The following SYN2 variants were observed in gnomAD, a reference collection of about 807,000 sequenced individuals.
SYN2 encodes synapsin II, also known as synapsin-2.
SYN2 carries 19 observed loss-of-function variants against 50.9 expected under a neutral mutation model. The ratio of observed to expected loss-of-function variants is 0.37; its 90% CI spans 0.26 to 0.55. SYN2 has a LOEUF of 0.55. Ranked by LOEUF, SYN2 falls within the 20% of genes least tolerant of loss-of-function variation. The pLI is 0.81. For synonymous variants in SYN2, 255 were observed against 224.9 expected (o/e 1.13, Z -1.20); for missense variants, 587 against 576.4 (o/e 1.02, Z -0.19).
chr3:12,095,017 A>G (rs1361705503), intron 1 of SYN2, among the ~76,000 whole-genome samples: 5 of 152,214 alleles, frequency 3.3e-5, no homozygotes, highest in Admixed American at 2.0e-4. Context: ...GTTCTTAGAT[A>G]GAAGAGAGAG....
At chr3:12,049,031 A>G (rs1159793425) in intron 1 of SYN2, among the ~76,000 whole-genome samples, 1 of 152,228 alleles carries the variant, frequency 6.6e-6, no homozygotes, top group Non-Finnish European at 1.5e-5. Context: ...GAGATGTGAA[A>G]TTAGAAGCCC....
At chr3:12,159,087 G>C (rs1431074405) in intron 5 of SYN2, 1 of 499,614 alleles carries the variant, frequency 2.0e-6, no homozygotes, top group South Asian at 3.8e-5. Context: ...CCTGACCTCT[G>C]TTTCCCTGCC....
At chr3:12,144,081 G>T (rs1697089558) in intron 3 of SYN2, among the ~76,000 whole-genome samples, 1 of 152,230 alleles carries the variant, frequency 6.6e-6, no homozygotes, top group Non-Finnish European at 1.5e-5. Flanking sequence ...TTAGTGCCTT[G>T]GGAGTAGATG....
At chr3:12,147,331 A>G (rs1474661372) in intron 4 of SYN2, among the ~76,000 whole-genome samples, 7 of 152,082 alleles carry the variant, frequency 4.6e-5, no homozygotes, top group African/African-American at 1.7e-4. Context: ...GGAGTGTAAG[A>G]AAAAGATCAA....
chr3:12,094,634 G>T (rs1695890538), intron 1 of SYN2, among the ~76,000 whole-genome samples: 1 of 152,312 alleles, frequency 6.6e-6, no homozygotes, highest in African/African-American at 2.4e-5. Context: ...TACCTACTCT[G>T]TTGGGTTCTT....
chr3:12,071,425 C>G (rs745673045), intron 1 of SYN2: 1 of 527,254 alleles, frequency 1.9e-6, no homozygotes, highest in Admixed American at 2.0e-5. Context: ...ATAAATTGCC[C>G]CTGGCAAATG....
At chr3:12,157,398 A>T (rs761122262) in intron 5 of SYN2, 1 of 1,614,012 alleles carries the variant, frequency 6.2e-7, no homozygotes, top group South Asian at 1.1e-5. Context: ...TATCTGTTTG[A>T]TTTCATACCG....
intron 1 of SYN2, chr3:12,071,350 G>A (rs566449990): frequency 4.6e-5 from 26 of 569,418 alleles, no homozygotes; most frequent in African/African-American, 4.1e-4. Context: ...ATCGTCCACC[G>A]CAAATGCTTC....
chr3:12,129,917 A>T (rs980562234), intron 1 of SYN2, among the ~76,000 whole-genome samples: 4 of 152,008 alleles, frequency 2.6e-5, no homozygotes. Flanking sequence ...GGCCCTCACG[A>T]TGGTGTTAGT....
At chr3:12,148,014 T>C (rs1196742981) in intron 4 of SYN2, among the ~76,000 whole-genome samples, 2 of 151,894 alleles carry the variant, frequency 1.3e-5, no homozygotes, top group African/African-American at 4.8e-5. Context: ...CTTAGGTGGC[T>C]GAGGCGGGAG....
At chr3:12,005,384 G>A (rs1693778750) in intron 1 of SYN2, among the ~76,000 whole-genome samples, 1 of 152,100 alleles carries the variant, frequency 6.6e-6, no homozygotes, top group South Asian at 2.1e-4. Flanking sequence ...GTATTTTGGA[G>A]GGAGAAGGTG....
intron 1 of SYN2, chr3:12,070,735 GA>G (rs1458495769): frequency 1.8e-5 from 15 of 849,412 alleles, no homozygotes; most frequent in East Asian, 4.1e-5. Flanking sequence ...GCCCATCTAC[GA>G]GGCCTAAGCC....
intron 10 of SYN2, among the ~76,000 whole-genome samples, chr3:12,178,988 G>A (rs1439638869): frequency 1.3e-5 from 2 of 152,198 alleles, no homozygotes; most frequent in South Asian, 2.1e-4. Flanking sequence ...CAGCAGAGGC[G>A]AAGGTAAGAA....
intron 1 of SYN2, among the ~76,000 whole-genome samples, chr3:12,104,699 G>T (rs1019126150): frequency 2.1e-5 from 3 of 145,838 alleles, no homozygotes; most frequent in African/African-American, 7.6e-5. Flanking sequence ...AGCCTCTCAA[G>T]TAGCTGGAAT....
intron 10 of SYN2, among the ~76,000 whole-genome samples, chr3:12,175,856 G>A (rs941669098): frequency 1.3e-5 from 2 of 152,228 alleles, no homozygotes; most frequent in Non-Finnish European, 1.5e-5. Flanking sequence ...GGCATAAGAA[G>A]CACTGGCCAT....
chr3:12,136,795 T>G (rs2125213504), intron 1 of SYN2, among the ~76,000 whole-genome samples: 1 of 152,316 alleles, frequency 6.6e-6, no homozygotes, highest in South Asian at 2.1e-4. Flanking sequence ...CCTCAGCTGC[T>G]AGGCTTGTTA....
At chr3:12,078,366 G>A (rs1328734756) in intron 1 of SYN2, among the ~76,000 whole-genome samples, 1 of 151,160 alleles carries the variant, frequency 6.6e-6, no homozygotes, top group Non-Finnish European at 1.5e-5. Context: ...CTTTCATCAT[G>A]ACATCTTTGT....
intron 1 of SYN2, among the ~76,000 whole-genome samples, chr3:12,039,485 A>G (rs949493015): frequency 1.5e-4 from 22 of 149,942 alleles, no homozygotes; most frequent in South Asian, 4.3e-4. Context: ...AGGTCACTTC[A>G]GTTTTCACTG....
intron 2 of SYN2, among the ~76,000 whole-genome samples, chr3:12,141,131 T>A (rs1697009983): frequency 6.6e-6 from 1 of 152,150 alleles, no homozygotes; most frequent in African/African-American, 2.4e-5. Context: ...GGCCTGAGGC[T>A]ATACTTTAGA....
Sources: gnomAD v4.1 joint callset for allele counts (sites outside exome capture counted in the v4.1 genomes callset) on GRCh38, gnomAD v4.1.1 for gene constraint, MANE v1.5 for transcripts, NCBI Gene and HGNC (gene_info 2026-07-23, HGNC 2026-07-21) for gene names.